The following LIPC variants were observed in gnomAD, a reference collection of about 807,000 sequenced individuals.
The protein encoded by LIPC is hepatic triacylglycerol lipase.
In LIPC, 44 loss-of-function variants were observed where a neutral mutation model predicts 50.7. The ratio of observed to expected loss-of-function variants is 0.87; its 90% CI spans 0.68 to 1.11. The LOEUF (loss-of-function observed/expected upper bound fraction) is 1.11. Ranked by LOEUF, LIPC falls within the 50% of genes most tolerant of loss-of-function variation. The pLI, the probability that LIPC is intolerant of heterozygous loss-of-function variation, is 0.00. For missense variants in LIPC, 697 were observed against 648.2 expected (o/e 1.08, Z -0.82); for synonymous variants, 271 against 256.4 (o/e 1.06, Z -0.54).
chr15:58,459,800 G>A (rs1273631328), intron 1 of LIPC, among the ~76,000 whole-genome samples: 1 of 152,194 alleles, frequency 6.6e-6, no homozygotes, highest in African/African-American at 2.4e-5. Context: ...TTACCCCTTG[G>A]GGGAAGGACA....
At chr15:58,436,983 G>A in intron 1 of LIPC, 1 of 409,506 alleles carries the variant, frequency 2.4e-6, no homozygotes, top group Admixed American at 2.8e-5. Context: ...GCAACAAACT[G>A]GAAACAATGT....
intron 1 of LIPC, among the ~76,000 whole-genome samples, chr15:58,532,980 G>A (rs1459142208): frequency 6.6e-6 from 1 of 152,160 alleles, no homozygotes; most frequent in Admixed American, 6.5e-5. Flanking sequence ...TGCTGCTCTA[G>A]GAACTTACTG....
At chr15:58,510,791 T>C (rs1194281532) in intron 1 of LIPC, among the ~76,000 whole-genome samples, 1 of 152,244 alleles carries the variant, frequency 6.6e-6, no homozygotes, top group African/African-American at 2.4e-5. Context: ...CTGGATTCAA[T>C]GAAATACTAT....
intron 6 of LIPC, among the ~76,000 whole-genome samples, chr15:58,556,661 C>G (rs1172737321): frequency 1.3e-5 from 2 of 152,138 alleles, no homozygotes; most frequent in Non-Finnish European, 1.5e-5. Flanking sequence ...TTTTTCACTT[C>G]TTTCATAAGC....
At chr15:58,511,897 G>C (rs1161752013) in intron 1 of LIPC, among the ~76,000 whole-genome samples, 2 of 152,044 alleles carry the variant, frequency 1.3e-5, no homozygotes, top group African/African-American at 4.8e-5. Context: ...GAGTGTTCAA[G>C]ACAAAACATT....
chr15:58,465,588 C>A (rs1894526684), intron 1 of LIPC, among the ~76,000 whole-genome samples: 1 of 147,942 alleles, frequency 6.8e-6, no homozygotes, highest in South Asian at 2.2e-4. Context: ...GATTACGGGT[C>A]AGAACCGTAA....
At chr15:58,442,965 T>C (rs1484376315) in intron 1 of LIPC, among the ~76,000 whole-genome samples, 1 of 152,160 alleles carries the variant, frequency 6.6e-6, no homozygotes. Context: ...CAGGCTGGAG[T>C]GCAGTGGCGT....
rs145453211 is a variant in LIPC at position 58,525,199 on chromosome 15, G to A, written c.89-13134G>A. 3.9e-4 allele frequency among the ~76,000 whole-genome samples: 60 copies of A among 152,288 alleles called. 4 individuals carry two copies. In the East Asian group the frequency reaches 0.011, roughly 29 times the overall value. On this transcript the variant is annotated intron_variant, in intron 1 of 8. Coordinates refer to ENST00000299022, the MANE Select transcript of LIPC (RefSeq NM_000236.3). Reference sequence around the variant, plus strand: ...TTTACCCCAGCACTTTGAGAAATTAGATTTCCACTGCCCAGAACAACCTGG... The same window carrying A: ...TTTACCCCAGCACTTTGAGAAATTAAATTTCCACTGCCCAGAACAACCTGG...
chr15:58,551,067 C>T (rs1318533939), intron 6 of LIPC, among the ~76,000 whole-genome samples: 3 of 151,948 alleles, frequency 2.0e-5, no homozygotes, highest in Non-Finnish European at 2.9e-5. Context: ...GAACTCCTGA[C>T]CTCAAGTGAT....
Position 58,510,658 on chromosome 15 carries a change from A to T in LIPC, c.89-27675A>T, listed in dbSNP as rs1770275518. ...AGTAGGGGAAAGAAATCTCCAAACA[A>T]CAAGAGGCACTGTGACCAATTCACA... On this transcript the variant is annotated intron_variant, in intron 1 of 8. Coordinates refer to ENST00000299022, the MANE Select transcript of LIPC (RefSeq NM_000236.3). Among the ~76,000 whole-genome samples, 12 of 152,244 alleles carry T rather than the reference A, an allele frequency of 7.9e-5. 1 individual carries two copies. The highest frequency in any genetic ancestry group is 7.8e-4 in the Admixed American group (12 of 15,288).
At chr15:58,493,453 T>G (rs1254762022) in intron 1 of LIPC, among the ~76,000 whole-genome samples, 1 of 151,570 alleles carries the variant, frequency 6.6e-6, no homozygotes, top group African/African-American at 2.4e-5. Flanking sequence ...CATTAGATCC[T>G]GCCATTCACA....
chr15:58,516,529 T>C (rs1038543227), intron 1 of LIPC, among the ~76,000 whole-genome samples: 1 of 152,180 alleles, frequency 6.6e-6, no homozygotes, highest in Non-Finnish European at 1.5e-5. Flanking sequence ...TCAGCCTTTA[T>C]TCTCTGTGTT....
rs1332235582 is a variant in LIPC, at chr15:58,453,761, C to T, written c.88+21641C>T. Among the ~76,000 whole-genome samples the T allele has an allele frequency of 6.1e-4, 92 of 151,598 alleles. 2 individuals carry two copies. ...TAAAAGTAAAAAAAAATCAGCCAGGCCTGGTATAGTCCTAGCTACTAGGGA... is the reference window on the plus strand; with the variant it reads ...TAAAAGTAAAAAAAAATCAGCCAGGTCTGGTATAGTCCTAGCTACTAGGGA... On this transcript the variant is annotated intron_variant, in intron 1 of 8. Coordinates refer to ENST00000299022, the MANE Select transcript of LIPC (RefSeq NM_000236.3).
chr15:58,453,117 G>A (rs1461721156), intron 1 of LIPC, among the ~76,000 whole-genome samples: 2 of 152,108 alleles, frequency 1.3e-5, no homozygotes, highest in African/African-American at 2.4e-5. Flanking sequence ...GCTGAGGTGT[G>A]GGGACCCATC....
At chr15:58,568,115 C>T (rs1437053356) in intron 8 of LIPC, among the ~76,000 whole-genome samples, 1 of 152,108 alleles carries the variant, frequency 6.6e-6, no homozygotes, top group Non-Finnish European at 1.5e-5. Flanking sequence ...AATGGTATCT[C>T]GGGCCAAGCC....
intron 1 of LIPC, chr15:58,494,658 A>G (rs1482709036): frequency 2.3e-6 from 1 of 426,850 alleles, no homozygotes; most frequent in Non-Finnish European, 4.7e-6. Flanking sequence ...AATCAGTGCC[A>G]ATGTATATTT....
At chr15:58,497,516 G>A (rs1891815113) in intron 1 of LIPC, among the ~76,000 whole-genome samples, 1 of 152,194 alleles carries the variant, frequency 6.6e-6, no homozygotes, top group South Asian at 2.1e-4. Context: ...GGAGCATCTA[G>A]AAAATGCCTT....
At chr15:58,465,787 A>G (rs7169623) in intron 1 of LIPC, among the ~76,000 whole-genome samples, 26 of 152,280 alleles carry the variant, frequency 1.7e-4, no homozygotes, top group African/African-American at 6.0e-4. Context: ...TCCCACACTA[A>G]AAGCATCAAA....
chr15:58,567,121 G>C (rs1894389384), intron 8 of LIPC, among the ~76,000 whole-genome samples: 1 of 149,782 alleles, frequency 6.7e-6, no homozygotes, highest in Non-Finnish European at 1.5e-5. Context: ...GGAATCGCTT[G>C]AACCCAGGAG....
Sources: gnomAD v4.1 joint callset for allele counts (sites outside exome capture counted in the v4.1 genomes callset) on GRCh38, gnomAD v4.1.1 for gene constraint, MANE v1.5 for transcripts, NCBI Gene and HGNC (gene_info 2026-07-23, HGNC 2026-07-21) for gene names.